Variants in MCOLN1 observed in about 807,000 individuals in gnomAD.
MCOLN1 encodes the protein mucolipin-1.
In MCOLN1, 50 loss-of-function variants were observed where a neutral mutation model predicts 70.3. The ratio of observed to expected loss-of-function variants is 0.71; its 90% CI spans 0.57 to 0.90. MCOLN1 has a LOEUF of 0.90. MCOLN1 is among the 40% of genes least tolerant of loss of function. The pLI, the probability that MCOLN1 is intolerant of heterozygous loss-of-function variation, is 0.00. For synonymous variants in MCOLN1, 366 were observed against 341.0 expected (o/e 1.07, Z -0.81); for missense variants, 598 against 803.5 (o/e 0.74, Z 3.09).
chr19:7,529,799 T>C, intron 11 of MCOLN1, 87 bp downstream of exon 11: 7 of 1,522,028 alleles, frequency 4.6e-6, no homozygotes, highest in South Asian at 1.1e-5. Context: ...TGGTGACTGC[T>C]GGGAGTCTGT....
At position 7,529,122 on chromosome 19, in the gene MCOLN1, T is replaced by G. The variant is rs775016540; in HGVS notation, c.1156T>G (p.Cys386Gly). 1.6e-5 allele frequency: 26 copies of G among 1,613,956 alleles called. No homozygotes were observed. Among genetic ancestry groups the G allele is most frequent in the Non-Finnish European group, 2.2e-5 (26 of 1,180,024 alleles). Residue 386 changes from cysteine (C) to glycine (G), a missense_variant, in exon 10 of 14, where the codon TGC becomes GGC. By Grantham distance (159) the Cys-to-Gly change is radical. Transcript: ENST00000264079. ...GCAGAACTTGGCGAGCTACGACGTC[T>G]GCAGCATCCTCCTGGGCACCTCGAC... is the stretch of plus-strand genomic sequence containing the variant. The part of the protein sequence containing the change: ...EAKNLASYDV[C>G]SILLGTSTLL...
At chr19:7,530,839 G>A (rs2022645179) in intron 12 of MCOLN1, among the ~76,000 whole-genome samples, 1 of 152,176 alleles carries the variant, frequency 6.6e-6, no homozygotes, top group African/African-American at 2.4e-5. Context: ...CACCTCCCGG[G>A]TTCAAGCAAT....
rs1314614891 is a variant in MCOLN1 at position 7,526,438 on chromosome 19, G to C, written c.238-1G>C. ...GCCAACCTCTACTACCCTCTCCCCA[G>C]CTCATCCTGTTTGGGCTCAGTAATC... On this transcript the variant is annotated splice_acceptor_variant, in intron 2 of 13. Transcript: ENST00000264079. LOFTEE classifies it high-confidence loss of function. This position sits in a 1 kb window ranked among gnomAD's most constrained non-coding sequence, Gnocchi z 4.6. The C allele has an allele frequency of 6.2e-7, 1 of 1,614,206 alleles. No homozygotes were observed. The highest frequency in any genetic ancestry group is 1.7e-5 in the Admixed American group (1 of 60,012).
rs1226555529 is a variant in MCOLN1, at chr19:7,526,510, C to T, written c.309C>T (p.His103=). Reference sequence around the variant, plus strand: ...AAGAGAACACCATCGCCTTCCGACACCTCTTCCTGCTGGGCTACTCGGACG... The same window carrying T: ...AAGAGAACACCATCGCCTTCCGACATCTCTTCCTGCTGGGCTACTCGGACG... The part of the protein sequence containing the change: ...FREENTIAFR[H]LFLLGYSDGA... Residue 103 remains histidine, a synonymous_variant, in exon 3 of 14, where the codon CAC becomes CAT. Transcript: ENST00000264079. The surrounding 1 kb of genome is among the most constrained non-coding windows in gnomAD (Gnocchi z 4.6). The T allele has an allele frequency of 1.2e-6, 2 of 1,614,250 alleles. No homozygotes were observed. Among genetic ancestry groups the T allele is most frequent in the Admixed American group, 1.7e-5 (1 of 60,030 alleles).
intron 1 of MCOLN1, 143 bp downstream of exon 1, chr19:7,522,924 T>A: frequency 1.4e-6 from 1 of 725,888 alleles, no homozygotes; most frequent in Non-Finnish European, 1.9e-6. Context: ...AGACGGCTCC[T>A]AGAACTTGGG....
At chr19:7,527,818 A>G (rs925424818) in intron 5 of MCOLN1, 46 bp from the exon 6 acceptor site, 2 of 1,478,764 alleles carry the variant, frequency 1.4e-6, no homozygotes, top group Non-Finnish European at 1.9e-6. Context: ...TGGGGCCGGA[A>G]GGGACCCGAA....
At position 7,526,878 on chromosome 19, in the gene MCOLN1, G is replaced by A. The variant is rs372323549; in HGVS notation, c.523G>A (p.Val175Met). ...LCQRYYHRGH[V>M]DPANDTFDID... is the part of the protein sequence containing the mutation. ...CCAGCGGTACTACCACCGAGGCCACGTGGACCCGGCCAACGACACATTTGA... is the reference window on the plus strand; with the variant it reads ...CCAGCGGTACTACCACCGAGGCCACATGGACCCGGCCAACGACACATTTGA... The change falls in exon 4 of 14, where the codon GTG (valine) becomes ATG (methionine). Residue 175 changes from valine to methionine, a missense_variant. Around this residue, in one of 3 missense-constraint regions of MCOLN1, gnomAD observed 461 missense variants for 588.4 expected, o/e 0.78. Coordinates refer to ENST00000264079, the MANE Select transcript of MCOLN1 (RefSeq NM_020533.3). The surrounding 1 kb of genome is among the most constrained non-coding windows in gnomAD (Gnocchi z 4.6). The A allele has an allele frequency of 5.1e-5, 82 of 1,614,034 alleles. No homozygotes were observed. Among genetic ancestry groups the A allele is most frequent in the Non-Finnish European group, 6.3e-5 (74 of 1,180,026 alleles).
chr19:7,527,635 C>T lies in MCOLN1; in HGVS notation c.680+7C>T, dbSNP rs746650613. 1.3e-6 allele frequency: 2 copies of T among 1,585,312 alleles called. No homozygotes were observed. The highest frequency in any genetic ancestry group is 3.3e-5 in the Admixed American group (2 of 59,992). Reference sequence around the variant, plus strand: ...TCACGCTCAAATTCCACAAGTACTGCCTGCTCACTCGAGGGGGGCCCAGGG... The same window carrying T: ...TCACGCTCAAATTCCACAAGTACTGTCTGCTCACTCGAGGGGGGCCCAGGG... On this transcript the variant is annotated splice_region_variant and intron_variant, in intron 5 of 13. Transcript: ENST00000264079.
In MCOLN1 at chr19:7,526,983, C is replaced by T; in HGVS notation, c.571+57C>T. The stretch of plus-strand genomic sequence containing the variant: ...GAGCCTGAGCTGCTGGGATTAAAAT[C>T]AACAGCTGTGGCTGGGCACGGTGGC... On this transcript the variant is annotated intron_variant, in intron 4 of 13. Coordinates refer to ENST00000264079, the MANE Select transcript of MCOLN1 (RefSeq NM_020533.3). This position sits in a 1 kb window ranked among gnomAD's most constrained non-coding sequence, Gnocchi z 4.6. The T allele has an allele frequency of 1.9e-6, 3 of 1,608,194 alleles. No individual in the cohort carries two copies. The highest frequency in any genetic ancestry group is 2.6e-6 in the Non-Finnish European group (3 of 1,175,676).
In MCOLN1 at chr19:7,522,709, T is replaced by C; in HGVS notation, c.-42T>C. The C allele has an allele frequency of 1.4e-6, 2 of 1,435,608 alleles. No homozygotes were observed. Among genetic ancestry groups the C allele is most frequent in the Non-Finnish European group, 9.1e-7 (1 of 1,098,494 alleles). The allele number at this position is 1,435,608 out of a possible 1,614,324, so 88.9% of individuals were successfully genotyped here. The stretch of plus-strand genomic sequence containing the variant: ...CAGCGGCGGGCGATCGGACCCAGGC[T>C]GCCCCGCCGTACCCGCCTGCGTCCC... On this transcript the variant is annotated 5_prime_UTR_variant, in exon 1 of 14. Coordinates refer to ENST00000264079, the MANE Select transcript of MCOLN1 (RefSeq NM_020533.3).
chr19:7,529,340 A>G (rs1007633130), intron 10 of MCOLN1, 138 bp downstream of exon 10: 37 of 931,674 alleles, frequency 4.0e-5, no homozygotes, highest in Non-Finnish European at 6.1e-5. Flanking sequence ...CACACCAGAT[A>G]TATCTGTCAC....
chr19:7,527,294 A>C, intron 4 of MCOLN1: 2 of 550,362 alleles, frequency 3.6e-6, no homozygotes, highest in Non-Finnish European at 6.5e-6. Context: ...AAAAAAAAAA[A>C]ACAAGTATGC....
In MCOLN1 at chr19:7,527,893, T is replaced by C; in HGVS notation, c.710T>C (p.Leu237Pro). The C allele has an allele frequency of 6.2e-7, 1 of 1,614,138 alleles. No individual in the cohort carries two copies. Among genetic ancestry groups the C allele is most frequent in the Non-Finnish European group, 8.5e-7 (1 of 1,179,996 alleles). Reference protein sequence around the residue: ...KLVNVTIHFRLKTINLQSLIN... With the variant: ...KLVNVTIHFRPKTINLQSLIN... ...GTCAATGTCACCATCCACTTCCGGCTGAAGACCATTAACCTCCAGAGCCTC... is the reference window on the plus strand; with the variant it reads ...GTCAATGTCACCATCCACTTCCGGCCGAAGACCATTAACCTCCAGAGCCTC... Residue 237 changes from leucine to proline, a missense_variant, in exon 6 of 14, where the codon CTG becomes CCG. Physicochemically the swap from Leu to Pro is moderately conservative, Grantham distance 98. Around this residue, in one of 3 missense-constraint regions of MCOLN1, gnomAD observed 461 missense variants for 588.4 expected, o/e 0.78. Coordinates refer to ENST00000264079, the MANE Select transcript of MCOLN1 (RefSeq NM_020533.3).
At chr19:7,529,510 C>CCCCCCCCCCCCACACCAAA in intron 10 of MCOLN1, 80 bp from the exon 11 acceptor site, 1 of 912,890 alleles carries the variant, frequency 1.1e-6, no homozygotes, top group African/African-American at 1.6e-5. Flanking sequence ...GGCCCCGCCC[C>CCCCCCCCCCCCACACCAAA]TCCCACCCCC....
At chr19:7,530,245 C>A in intron 11 of MCOLN1, 41 bp from the exon 12 acceptor site, 1 of 1,562,536 alleles carries the variant, frequency 6.4e-7, no homozygotes, top group South Asian at 1.1e-5. Context: ...CGGTTCCTGG[C>A]CATGCCTTGG....
chr19:7,529,048 G>GC (rs2022615441), intron 9 of MCOLN1, 53 bp from the exon 10 acceptor site: 1 of 1,613,058 alleles, frequency 6.2e-7, no homozygotes, highest in South Asian at 1.1e-5. Context: ...CCTCCCCCAG[G>GC]CCCCCCAAAG....
At chr19:7,530,226 C>T in intron 11 of MCOLN1, 60 bp from the exon 12 acceptor site, 2 of 1,472,520 alleles carry the variant, frequency 1.4e-6, no homozygotes, top group South Asian at 2.3e-5. Flanking sequence ...CCAGCCTGAC[C>T]CCAGCCCCCG....
chr19:7,524,380 G>A lies in MCOLN1; in HGVS notation c.32-581G>A, dbSNP rs957374797. On this transcript the variant is annotated intron_variant, in intron 1 of 13. Coordinates refer to ENST00000264079, the MANE Select transcript of MCOLN1 (RefSeq NM_020533.3). This position sits in a 1 kb window ranked among gnomAD's most constrained non-coding sequence, Gnocchi z 4.1. The stretch of plus-strand genomic sequence containing the variant: ...CTCCAGGTCCTTGGCTTCTGAGAGT[G>A]TCAGCTGATGGGCCAGGTTATAATG... Among the ~76,000 whole-genome samples the A allele has an allele frequency of 6.6e-6, 1 of 152,200 alleles. No individual in the cohort carries two copies.
In MCOLN1 at chr19:7,525,848, A is replaced by G. The variant is rs2022560577; in HGVS notation, c.238-591A>G. 2.3e-5 allele frequency: 4 copies of G among 171,452 alleles called. No individual in the cohort carries two copies. The highest frequency in any genetic ancestry group is 3.2e-3 in the Middle Eastern group (1 of 316). 10.6% of individuals were successfully genotyped at this position (171,452 alleles called of 1,614,324 possible). ...GAGGCTGAGTTGGGTGGATCATTTG[A>G]GGCCAGGAGTTTGAGACCAGCCTGG... On this transcript the variant is annotated intron_variant, in intron 2 of 13. Coordinates refer to ENST00000264079, the MANE Select transcript of MCOLN1 (RefSeq NM_020533.3). The surrounding 1 kb of genome is among the most constrained non-coding windows in gnomAD (Gnocchi z 4.2).
Sources: gnomAD v4.1 joint callset for allele counts (sites outside exome capture counted in the v4.1 genomes callset) on GRCh38, gnomAD v4.1.1 for gene constraint, gnomAD v4.1.1 regional missense constraint, Gnocchi (gnomAD v3.1) non-coding constraint, MANE v1.5 for transcripts, NCBI Gene and HGNC (gene_info 2026-07-23, HGNC 2026-07-21) for gene names.